Variants in NAV3 observed in about 807,000 individuals in gnomAD.
NAV3 encodes pore membrane and/or filament interacting like protein 1.
Under a neutral mutation model 244.7 loss-of-function variants are expected in NAV3, and 87 were observed. That is an observed-to-expected ratio of 0.36 (90% CI 0.30 to 0.42). NAV3 has a LOEUF of 0.42. NAV3 is among the 20% of genes least tolerant of loss of function. The pLI is 1.00. For missense variants in NAV3, 2,663 were observed against 2,893.3 expected (o/e 0.92, Z 1.83); for synonymous variants, 1,126 against 1,042.2 (o/e 1.08, Z -1.55).
chr12:78,191,756 A>T (rs2139904142), intron 34 of NAV3, among the ~76,000 whole-genome samples: 1 of 152,278 alleles, frequency 6.6e-6, no homozygotes, highest in South Asian at 2.1e-4. Context: ...ATCTTTATAT[A>T]AAAGCCTTTT....
chr12:77,879,710 G>GAAAAAAAAAAAAAAAAAAAAAAAAAAAA (rs1882382027), intron 1 of NAV3, among the ~76,000 whole-genome samples: 1 of 99,826 alleles, frequency 1.0e-5, no homozygotes, highest in South Asian at 3.5e-4. Context: ...AAAAAAAAAG[G>GAAAAAAAAAAAAAAAAAAAAAAAAAAAA]AAATTATTTC....
chr12:77,825,254 A>T (rs1349433920), intron 2 of NAV3, among the ~76,000 whole-genome samples: 2 of 152,152 alleles, frequency 1.3e-5, no homozygotes, highest in East Asian at 3.8e-4. Flanking sequence ...GATACCAGAT[A>T]AAAATTTGCA....
chr12:78,200,479 G>A lies in NAV3; in HGVS notation c.6722G>A (p.Arg2241Gln), dbSNP rs201015374. The A allele has an allele frequency of 1.7e-5, 27 of 1,567,226 alleles. No individual in the cohort carries two copies. Among genetic ancestry groups the A allele is most frequent in the South Asian group, 1.1e-4 (9 of 83,274 alleles). ...HSSSDVTIGP[R>Q]LFLPCPMDVE... is the part of the protein sequence containing the mutation. Reference sequence around the variant, plus strand: ...GTTATTTATTTCTTATCAGGTCCCCGACTATTCCTTCCTTGCCCCATGGAT... The same window carrying A: ...GTTATTTATTTCTTATCAGGTCCCCAACTATTCCTTCCTTGCCCCATGGAT... Residue 2241 changes from arginine (R) to glutamine (Q), a missense_variant, in exon 38 of 40, where the codon CGA becomes CAA. Physicochemically the swap from Arg to Gln is conservative, Grantham distance 43 (BLOSUM62 1). Around this residue, in one of 6 missense-constraint regions of NAV3, gnomAD observed 543 missense variants for 672.4 expected, o/e 0.81. Transcript: ENST00000397909.
chr12:77,637,700 A>G (rs893044235), intron 2 of NAV3, among the ~76,000 whole-genome samples: 2 of 152,166 alleles, frequency 1.3e-5, no homozygotes, highest in Admixed American at 6.5e-5. Context: ...TCCAGAGTCT[A>G]TGCTAAATGC....
At chr12:77,722,724 A>G (rs1400369380) in intron 2 of NAV3, among the ~76,000 whole-genome samples, 3 of 152,038 alleles carry the variant, frequency 2.0e-5, no homozygotes, top group Non-Finnish European at 4.4e-5. Context: ...TTGGAATAAA[A>G]GCATGAACTG....
intron 2 of NAV3, among the ~76,000 whole-genome samples, chr12:77,620,661 C>A (rs1372589812): frequency 1.3e-5 from 2 of 151,956 alleles, no homozygotes; most frequent in African/African-American, 4.8e-5. Flanking sequence ...GCGGTTTCAC[C>A]ATGTTGTCCA....
intron 2 of NAV3, among the ~76,000 whole-genome samples, chr12:77,649,961 A>C (rs1233948492): frequency 6.6e-6 from 1 of 152,166 alleles, no homozygotes; most frequent in Non-Finnish European, 1.5e-5. Context: ...CTTTTTGTTC[A>C]CATACAGTGA....
intron 2 of NAV3, among the ~76,000 whole-genome samples, chr12:77,720,660 G>T (rs1471866685): frequency 6.6e-6 from 1 of 152,110 alleles, no homozygotes; most frequent in South Asian, 2.1e-4. Flanking sequence ...TCCCTCTCTA[G>T]GAAGAAGCTG....
intron 5 of NAV3, among the ~76,000 whole-genome samples, chr12:77,981,301 A>C (rs550868930): frequency 9.6e-4 from 146 of 152,248 alleles, no homozygotes; most frequent in Non-Finnish European, 1.7e-3. Flanking sequence ...GTGGCTAAAT[A>C]TCTCTCTCTT....
chr12:77,973,331 G>A (rs1459533687), intron 5 of NAV3, among the ~76,000 whole-genome samples: 4 of 152,110 alleles, frequency 2.6e-5, no homozygotes, highest in African/African-American at 9.7e-5. Context: ...GATGATAGAG[G>A]TGGCAAAACC....
intron 2 of NAV3, 45 bp downstream of exon 2, chr12:77,940,481 A>G: frequency 1.4e-6 from 2 of 1,477,450 alleles, no homozygotes; most frequent in Non-Finnish European, 1.9e-6. Flanking sequence ...CTCTGCTCCC[A>G]TCTCTTTGGT....
chr12:78,159,354 C>A lies in NAV3; in HGVS notation c.4869+68C>A, dbSNP rs1268575352. 23 of 1,313,688 alleles carry A rather than the reference C, an allele frequency of 1.8e-5. No homozygotes were observed. The Middle Eastern group carries it at 7.4e-4, about 42-fold the overall frequency. The allele number at this position is 1,313,688 out of a possible 1,614,324, so 81.4% of individuals were successfully genotyped here. A position where few individuals can be genotyped will look rare whatever the true frequency, so the allele number is the denominator to read the frequency against. The stretch of plus-strand genomic sequence containing the variant: ...AATTGCATAGGATTCTTAAATAATA[C>A]CTGAAGCTCCTTAAAAATAATATTC... On this transcript the variant is annotated intron_variant, in intron 23 of 39. Transcript: ENST00000397909.
chr12:78,091,810 A>AG (rs1313551433), intron 12 of NAV3: 6 of 150,176 alleles, frequency 4.0e-5, no homozygotes, highest in African/African-American at 1.5e-4. Flanking sequence ...AAAAAAAAAA[A>AG]AAATTCACCT....
chr12:78,083,733 A>G (rs1466721234), intron 12 of NAV3, among the ~76,000 whole-genome samples: 1 of 151,984 alleles, frequency 6.6e-6, no homozygotes, highest in Non-Finnish European at 1.5e-5. Context: ...AACTACCCCT[A>G]TTTTTCCAGT....
chr12:77,707,907 T>C (rs1875907347), intron 2 of NAV3, among the ~76,000 whole-genome samples: 2 of 152,244 alleles, frequency 1.3e-5, no homozygotes, highest in Admixed American at 6.5e-5. Context: ...TTTGATGGAG[T>C]TGTTTTTTTC....
intron 2 of NAV3, among the ~76,000 whole-genome samples, chr12:77,799,776 C>T (rs1472898743): frequency 6.6e-6 from 1 of 152,098 alleles, no homozygotes; most frequent in Non-Finnish European, 1.5e-5. Flanking sequence ...CTTTTGACCA[C>T]TATACTGTAC....
intron 12 of NAV3, among the ~76,000 whole-genome samples, chr12:78,108,236 G>A (rs1360481439): frequency 6.6e-6 from 1 of 152,200 alleles, no homozygotes; most frequent in Non-Finnish European, 1.5e-5. Context: ...ATAATGATGA[G>A]ATTAACCCAG....
At chr12:77,801,188 T>G (rs1430855951) in intron 2 of NAV3, among the ~76,000 whole-genome samples, 2 of 152,128 alleles carry the variant, frequency 1.3e-5, no homozygotes, top group East Asian at 3.8e-4. Context: ...GAAATAAATA[T>G]AGGACAGCAA....
At chr12:78,117,960 C>A (rs746430816) in intron 13 of NAV3, 67 bp from the exon 14 acceptor site, 7 of 1,381,104 alleles carry the variant, frequency 5.1e-6, no homozygotes, top group Non-Finnish European at 6.8e-6. Flanking sequence ...AAGTACATTT[C>A]ATTGCCTTAA....
Sources: allele counts gnomAD v4.1 joint callset (sites outside exome capture counted in the v4.1 genomes callset), GRCh38; gene constraint gnomAD v4.1.1; regional missense constraint gnomAD v4.1.1; transcripts MANE v1.5; gene names NCBI Gene and HGNC (gene_info 2026-07-23, HGNC 2026-07-21).